Variants in CCSER1 observed in about 807,000 individuals in gnomAD.
CCSER1 encodes serine-rich coiled-coil domain-containing protein 1.
Under a neutral mutation model 82.0 loss-of-function variants are expected in CCSER1, and 41 were observed. The observed-to-expected ratio is 0.50, with a 90% CI of 0.39 to 0.65. The LOEUF is 0.65. Ranked by LOEUF, CCSER1 falls within the 30% of genes least tolerant of loss-of-function variation. CCSER1 has a pLI of 0.00. For missense variants in CCSER1, 1,119 were observed against 1,064.2 expected, an observed-to-expected ratio of 1.05 and a Z score of -0.72; for synonymous variants, 414 against 383.9, an observed-to-expected ratio of 1.08 and a Z score of -0.92.
intron 10 of CCSER1, among the ~76,000 whole-genome samples, chr4:91,523,030 TATTTTGAGATATGTTCCATCA>T (rs1191374665): frequency 2.6e-5 from 4 of 152,188 alleles, no homozygotes; most frequent in Non-Finnish European, 5.9e-5. Context: ...TAGCTCTTAT[TATTTTGAGATATGTTCCATCA>T]ATATCTAGTT....
intron 10 of CCSER1, among the ~76,000 whole-genome samples, chr4:91,501,405 T>A (rs1384774299): frequency 6.6e-6 from 1 of 151,958 alleles, no homozygotes; most frequent in Non-Finnish European, 1.5e-5. Flanking sequence ...TATATTAGGA[T>A]AGTTTCTGCC....
intron 1 of CCSER1, among the ~76,000 whole-genome samples, chr4:90,243,209 G>T (rs989963180): frequency 2.0e-5 from 3 of 151,552 alleles, no homozygotes; most frequent in Non-Finnish European, 4.4e-5. Flanking sequence ...GACTACAAGT[G>T]CACATCACTA....
chr4:90,435,327 C>A (rs1349783976), intron 4 of CCSER1, among the ~76,000 whole-genome samples: 3 of 151,580 alleles, frequency 2.0e-5, no homozygotes, highest in Non-Finnish European at 4.4e-5. Flanking sequence ...TGATATTGGG[C>A]CATTCAATTC....
intron 10 of CCSER1, among the ~76,000 whole-genome samples, chr4:91,207,352 CT>C (rs11300898): frequency 0.41 from 61,695 of 150,974 alleles, 13,234 homozygotes; most frequent in East Asian, 0.84. Flanking sequence ...CTTTTCTTTT[CT>C]TTTTTTTTGG....
At chr4:91,578,560 G>A (rs1763566041) in intron 10 of CCSER1, among the ~76,000 whole-genome samples, 1 of 151,812 alleles carries the variant, frequency 6.6e-6, no homozygotes, top group Non-Finnish European at 1.5e-5. Flanking sequence ...ATTCATCTGA[G>A]GAAATTGATG....
chr4:91,249,759 A>G (rs1369606498), intron 10 of CCSER1, among the ~76,000 whole-genome samples: 2 of 152,104 alleles, frequency 1.3e-5, no homozygotes, highest in Non-Finnish European at 2.9e-5. Context: ...AAGTAAGAAA[A>G]TATCTATTAA....
chr4:90,938,882 G>C (rs1210337160), intron 9 of CCSER1: 2 of 158,612 alleles, frequency 1.3e-5, no homozygotes, highest in Non-Finnish European at 2.8e-5. Context: ...TTTTGCATTT[G>C]CAAAAATCAT....
chr4:90,248,987 A>G (rs2153439595), intron 1 of CCSER1, among the ~76,000 whole-genome samples: 1 of 152,252 alleles, frequency 6.6e-6, no homozygotes, highest in Admixed American at 6.5e-5. Flanking sequence ...ATGAGCCACA[A>G]TGCCTGGCCA....
chr4:91,574,686 A>C (rs1457522518), intron 10 of CCSER1, among the ~76,000 whole-genome samples: 6 of 152,126 alleles, frequency 3.9e-5, no homozygotes, highest in African/African-American at 1.4e-4. Context: ...AGTAGGAGCT[A>C]AACATCATGG....
intron 10 of CCSER1, among the ~76,000 whole-genome samples, chr4:91,355,625 A>G (rs553996701): frequency 2.0e-5 from 3 of 152,322 alleles, no homozygotes; most frequent in African/African-American, 7.2e-5. Flanking sequence ...TGACGTCCTT[A>G]CTGAAAAAGT....
chr4:90,583,532 T>C (rs1781655619), intron 5 of CCSER1, among the ~76,000 whole-genome samples: 1 of 152,174 alleles, frequency 6.6e-6, no homozygotes, highest in Non-Finnish European at 1.5e-5. Context: ...TAGAAATACA[T>C]TTTTATAGAT....
At chr4:90,633,013 A>G (rs1047222899) in intron 6 of CCSER1, among the ~76,000 whole-genome samples, 3 of 152,094 alleles carry the variant, frequency 2.0e-5, no homozygotes, top group African/African-American at 7.2e-5. Context: ...GTTGTATAAC[A>G]GTCTATATTT....
chr4:91,310,678 G>T (rs185477383), intron 10 of CCSER1, among the ~76,000 whole-genome samples: 45 of 151,930 alleles, frequency 3.0e-4, no homozygotes, highest in African/African-American at 1.0e-3. Flanking sequence ...ATGTTCTTTT[G>T]ACTTAATGGA....
At chr4:90,601,601 C>T (rs999056386) in intron 5 of CCSER1, among the ~76,000 whole-genome samples, 2 of 149,128 alleles carry the variant, frequency 1.3e-5, no homozygotes, top group Admixed American at 6.7e-5. Context: ...GTTTCATTTG[C>T]TCTTTTTGTT....
At chr4:91,124,247 T>C (rs1209283015) in intron 10 of CCSER1, among the ~76,000 whole-genome samples, 4 of 151,840 alleles carry the variant, frequency 2.6e-5, no homozygotes, top group Non-Finnish European at 5.9e-5. Context: ...TTGTCATTAG[T>C]TCTCTTTAGA....
At chr4:90,530,533 T>C (rs1578990362) in intron 5 of CCSER1, among the ~76,000 whole-genome samples, 1 of 152,200 alleles carries the variant, frequency 6.6e-6, no homozygotes, top group Non-Finnish European at 1.5e-5. Context: ...GCTATCTTTA[T>C]GGGTTTCTTT....
At chr4:90,925,824 C>CT (rs1472352133) in intron 9 of CCSER1, among the ~76,000 whole-genome samples, 1 of 151,968 alleles carries the variant, frequency 6.6e-6, no homozygotes, top group Non-Finnish European at 1.5e-5. Flanking sequence ...AAGAATAATA[C>CT]TTTTTTTGAC....
At position 90,838,981 on chromosome 4, in the gene CCSER1, C is replaced by G. The variant is rs1762203641; in HGVS notation, c.2094+23136C>G. ...GATTTTTCTCTTGCGTCTCTGTCTT[C>G]TTCAGTTTCGGCTTATCGAATTTCT... On this transcript the variant is annotated intron_variant, in intron 8 of 10. Transcript: ENST00000509176. The G allele has an allele frequency of 2.5e-6, 4 of 1,613,158 alleles. No individual in the cohort carries two copies. In the East Asian group the frequency reaches 8.9e-5, roughly 36 times the overall value.
chr4:90,450,917 T>G (rs532030432), intron 4 of CCSER1, among the ~76,000 whole-genome samples: 1 of 152,306 alleles, frequency 6.6e-6, no homozygotes, highest in Non-Finnish European at 1.5e-5. Context: ...AAATCATTGG[T>G]GAGAAAAGTC....
Sources: gnomAD v4.1 joint callset for allele counts (sites outside exome capture counted in the v4.1 genomes callset) on GRCh38, gnomAD v4.1.1 for gene constraint, MANE v1.5 for transcripts, NCBI Gene and HGNC (gene_info 2026-07-23, HGNC 2026-07-21) for gene names.